Variants in CPNE4 observed in about 807,000 individuals in gnomAD.
CPNE4 encodes the protein copine 4.
Under a neutral mutation model 67.9 loss-of-function variants are expected in CPNE4, and 25 were observed. The ratio of observed to expected loss-of-function variants is 0.37; its 90% CI spans 0.27 to 0.51. The LOEUF (loss-of-function observed/expected upper bound fraction) is 0.51, where lower values mean the gene tolerates loss of function less well. Ranked by LOEUF, CPNE4 falls within the 20% of genes least tolerant of loss-of-function variation. The probability of loss-of-function intolerance (pLI) is 0.93; values close to 1 mark genes in which losing one functional copy is unlikely to be tolerated. For missense variants in CPNE4, 464 were observed against 690.8 expected, an observed-to-expected ratio of 0.67 and a Z score of 3.68; for synonymous variants, 242 against 244.9, an observed-to-expected ratio of 0.99 and a Z score of 0.11.
chr3:131,896,218 G>T (rs1033469691), intron 2 of CPNE4, among the ~76,000 whole-genome samples: 1 of 151,936 alleles, frequency 6.6e-6, no homozygotes, highest in Non-Finnish European at 1.5e-5. Context: ...CATTTAAAAT[G>T]AGGTTTATGA....
In CPNE4 at chr3:131,636,080, C is replaced by CA. The variant is rs749734624; in HGVS notation, c.681+33594dup. On this transcript the variant is annotated intron_variant, in intron 7 of 15. Transcript: ENST00000429747. The stretch of plus-strand genomic sequence containing the variant: ...TGGGCGACAGAGCGAGACTCCGTCT[C>CA]AAAAAAAAAAAAAAAGAACTACTGC... Among the ~76,000 whole-genome samples the CA allele has an allele frequency of 4.5e-3, 236 of 52,746 alleles. 26 individuals carry two copies. The highest frequency in any genetic ancestry group is 0.013 in the East Asian group (24 of 1,856). 34.6% of individuals were successfully genotyped at this position (52,746 alleles called of 152,430 possible). A position where few individuals can be genotyped will look rare whatever the true frequency, so the allele number is the denominator to read the frequency against.
chr3:131,907,473 G>T (rs1002092145), intron 1 of CPNE4, among the ~76,000 whole-genome samples: 3 of 149,216 alleles, frequency 2.0e-5, no homozygotes, highest in Non-Finnish European at 4.4e-5. Context: ...CAGGATGATG[G>T]CTATGCCTCA....
chr3:131,610,864 T>G (rs1022922440), intron 7 of CPNE4, among the ~76,000 whole-genome samples: 3 of 152,094 alleles, frequency 2.0e-5, no homozygotes, highest in African/African-American at 7.2e-5. Flanking sequence ...ATCATCCAAG[T>G]GTACGGGGAG....
chr3:131,718,099 A>G (rs893585589), intron 3 of CPNE4, among the ~76,000 whole-genome samples: 11 of 151,440 alleles, frequency 7.3e-5, no homozygotes, highest in African/African-American at 2.7e-4. Context: ...GGTTCAAGCA[A>G]TTCTCCTGCC....
chr3:131,830,678 T>C (rs959597656), intron 2 of CPNE4, among the ~76,000 whole-genome samples: 14 of 152,258 alleles, frequency 9.2e-5, no homozygotes, highest in South Asian at 8.3e-4. Context: ...GAATCAGCTA[T>C]TACATTCTTT....
At chr3:132,038,849 T>C (rs1485133677), upstream of CPNE4, among the ~76,000 whole-genome samples, 3 of 152,214 alleles carry the variant, frequency 2.0e-5, no homozygotes, top group Non-Finnish European at 4.4e-5. Flanking sequence ...TTTTCCTTAC[T>C]AAGAAAAACA....
At chr3:131,752,280 G>A (rs2082647929) in intron 2 of CPNE4, among the ~76,000 whole-genome samples, 1 of 152,142 alleles carries the variant, frequency 6.6e-6, no homozygotes, top group African/African-American at 2.4e-5. Context: ...TTGCTGGCAT[G>A]GGCAGGGGTG....
chr3:131,651,782 T>C (rs969367923), intron 7 of CPNE4, among the ~76,000 whole-genome samples: 1 of 152,184 alleles, frequency 6.6e-6, no homozygotes, highest in South Asian at 2.1e-4. Context: ...GTCTTAATGC[T>C]CTTTTCCCTT....
At chr3:131,861,346 T>C (rs1201853914) in intron 2 of CPNE4, among the ~76,000 whole-genome samples, 2 of 152,146 alleles carry the variant, frequency 1.3e-5, no homozygotes, top group Admixed American at 6.5e-5. Context: ...GCAAAATTCC[T>C]CTTGCTTTTT....
In CPNE4 at chr3:131,978,646, C is replaced by G. The variant is rs568878246; in HGVS notation, c.-2+55921G>C. Among the ~76,000 whole-genome samples, 17 of 140,888 alleles carry G rather than the reference C, an allele frequency of 1.2e-4. 1 individual carries two copies. The South Asian group carries it at 2.8e-3, about 24-fold the overall frequency. The allele number at this position is 140,888 out of a possible 152,430, so 92.4% of individuals were successfully genotyped here. On this transcript the variant is annotated intron_variant, in intron 1 of 15. Coordinates refer to ENST00000429747, the MANE Select transcript of CPNE4 (RefSeq NM_130808.3). Reference sequence around the variant, plus strand: ...TTTATATCTCTTGTTAAAGAACCAGCTTTTTGTTTCATTTACCTTTTGTAT... The same window carrying G: ...TTTATATCTCTTGTTAAAGAACCAGGTTTTTGTTTCATTTACCTTTTGTAT...
chr3:131,610,683 A>T (rs1344299038), intron 7 of CPNE4, among the ~76,000 whole-genome samples: 2 of 152,078 alleles, frequency 1.3e-5, no homozygotes, highest in African/African-American at 4.8e-5. Flanking sequence ...CTCTGGTCCT[A>T]ATTTTCCACT....
At chr3:131,833,690 C>T (rs1337818805) in intron 2 of CPNE4, among the ~76,000 whole-genome samples, 5 of 152,146 alleles carry the variant, frequency 3.3e-5, no homozygotes, top group Non-Finnish European at 7.3e-5. Context: ...TGGAGCGAAA[C>T]CTTGTCTCAA....
intron 2 of CPNE4, among the ~76,000 whole-genome samples, chr3:131,842,926 C>T (rs921435700): frequency 3.0e-4 from 45 of 152,034 alleles, no homozygotes; most frequent in African/African-American, 9.7e-4. Context: ...AAGACAAATA[C>T]GGCATATAAG....
chr3:131,680,989 C>T (rs908780196), intron 6 of CPNE4, among the ~76,000 whole-genome samples: 7 of 152,196 alleles, frequency 4.6e-5, no homozygotes, highest in Non-Finnish European at 1.0e-4. Flanking sequence ...GCTGTGAATG[C>T]CATTAATTCA....
intron 2 of CPNE4, among the ~76,000 whole-genome samples, chr3:131,851,707 G>T (rs140015339): frequency 6.6e-6 from 1 of 152,218 alleles, no homozygotes; most frequent in South Asian, 2.1e-4. Context: ...GAGCAATCCA[G>T]TGGAGGAAAT....
At chr3:132,010,448 T>A (rs535684217) in intron 1 of CPNE4, among the ~76,000 whole-genome samples, 80 of 152,100 alleles carry the variant, frequency 5.3e-4, no homozygotes, top group African/African-American at 1.8e-3. Flanking sequence ...TGCTGAGTCG[T>A]GGCCTCTTTC....
intron 2 of CPNE4, among the ~76,000 whole-genome samples, chr3:131,794,241 C>CTTTT (rs560693108): frequency 1.4e-5 from 2 of 142,034 alleles, no homozygotes; most frequent in African/African-American, 2.6e-5. Context: ...TTGGAAACAA[C>CTTTT]TTTTTTTTTT....
chr3:131,771,343 G>A (rs1179135665), intron 2 of CPNE4, among the ~76,000 whole-genome samples: 1 of 152,072 alleles, frequency 6.6e-6, no homozygotes, highest in Non-Finnish European at 1.5e-5. Context: ...CAAACCTCAT[G>A]TTGAAACTCG....
intron 2 of CPNE4, among the ~76,000 whole-genome samples, chr3:131,774,086 T>C (rs924731330): frequency 7.2e-5 from 11 of 152,148 alleles, no homozygotes; most frequent in African/African-American, 2.2e-4. Context: ...TATTAGACAC[T>C]TGATTGCCTG....
Sources: gnomAD v4.1 joint callset for allele counts (sites outside exome capture counted in the v4.1 genomes callset) on GRCh38, gnomAD v4.1.1 for gene constraint, MANE v1.5 for transcripts, NCBI Gene and HGNC (gene_info 2026-07-23, HGNC 2026-07-21) for gene names.